KIAA2012: variants seen among roughly 807,000 people sequenced by gnomAD.
KIAA2012 encodes KIAA2012.
In KIAA2012, 125 loss-of-function variants were observed where a neutral mutation model predicts 150.6. The observed-to-expected ratio is 0.83, with a 90% CI of 0.72 to 0.96. KIAA2012 has a LOEUF of 0.96. Ranked by LOEUF, KIAA2012 falls within the 40% of genes least tolerant of loss-of-function variation. The pLI is 0.00. For synonymous variants in KIAA2012, 462 were observed against 504.7 expected (o/e 0.92, Z 1.13); for missense variants, 1,219 against 1,354.9 (o/e 0.90, Z 1.57).
intron 11 of KIAA2012, among the ~76,000 whole-genome samples, chr2:202,119,979 T>G (rs2105933861): frequency 6.6e-6 from 1 of 152,280 alleles, no homozygotes; most frequent in Admixed American, 6.5e-5. Flanking sequence ...GATCTCATGG[T>G]TTTAAAAAGG....
intron 23 of KIAA2012, 62 bp downstream of exon 23, chr2:202,202,649 C>T (rs969344018): frequency 9.1e-5 from 36 of 396,956 alleles, no homozygotes; most frequent in African/African-American, 5.5e-4. Context: ...TTCTAGGGGC[C>T]AGGCACGGTG....
intron 12 of KIAA2012, chr2:202,135,990 A>G (rs752220470): frequency 3.2e-6 from 1 of 315,792 alleles, no homozygotes; most frequent in South Asian, 2.6e-5. Flanking sequence ...GCTGATTCAA[A>G]TTTAAAAAAA....
At chr2:202,107,424 G>A (rs1212369891) in intron 9 of KIAA2012, among the ~76,000 whole-genome samples, 1 of 151,876 alleles carries the variant, frequency 6.6e-6, no homozygotes, top group East Asian at 1.9e-4. Context: ...CCAAATATCG[G>A]CAGAGATCAC....
intron 14 of KIAA2012, among the ~76,000 whole-genome samples, chr2:202,156,325 T>C (rs184281193): frequency 4.8e-4 from 73 of 152,314 alleles, no homozygotes; most frequent in African/African-American, 1.7e-3. Flanking sequence ...AACTATCCCT[T>C]TTATTCTTAG....
intron 3 of KIAA2012, 129 bp from the exon 4 acceptor site, chr2:202,092,901 C>A: frequency 1.4e-6 from 1 of 738,948 alleles, no homozygotes; most frequent in Non-Finnish European, 2.2e-6. Flanking sequence ...CCCTCATCTT[C>A]TAATTGTCTT....
At chr2:202,157,617 A>C (rs937151280) in intron 14 of KIAA2012, among the ~76,000 whole-genome samples, 1 of 152,220 alleles carries the variant, frequency 6.6e-6, no homozygotes, top group African/African-American at 2.4e-5. Context: ...AATGAATCTA[A>C]GTATGTAGAA....
At chr2:202,085,281 C>T (rs1689535953) in intron 2 of KIAA2012, among the ~76,000 whole-genome samples, 1 of 152,162 alleles carries the variant, frequency 6.6e-6, no homozygotes, top group African/African-American at 2.4e-5. Flanking sequence ...TGAGAGGTTA[C>T]AGGGCAAAGG....
intron 17 of KIAA2012, among the ~76,000 whole-genome samples, chr2:202,187,550 A>G: frequency 6.6e-6 from 1 of 152,180 alleles, no homozygotes; most frequent in South Asian, 2.1e-4. Context: ...CAAGTGATCC[A>G]CCTGCCTGAG....
intron 12 of KIAA2012, among the ~76,000 whole-genome samples, chr2:202,126,377 T>C (rs1245473651): frequency 6.6e-6 from 1 of 152,168 alleles, no homozygotes; most frequent in Non-Finnish European, 1.5e-5. Context: ...AGGATTGTTT[T>C]TGCCAGAGAT....
In KIAA2012 at chr2:202,196,802, G is replaced by A; in HGVS notation, c.3190G>A (p.Ala1064Thr). Residue 1064 changes from alanine (A) to threonine (T), a missense_variant and splice_region_variant, in exon 22 of 24, where the codon GCA (alanine) becomes ACA (threonine). Coordinates refer to ENST00000498697, the MANE Select transcript of KIAA2012 (RefSeq NM_001277372.4). ...CCACCCCCTTTTCTATTCTGCAGAG[G>A]CAGAGAAGCAAAGGCAAGAGGAATT... The part of the protein sequence containing the change: ...KQQEEAERAE[A>T]EKQRQEELEM... The A allele has an allele frequency of 6.4e-7, 1 of 1,550,412 alleles. No individual in the cohort carries two copies. Among genetic ancestry groups the A allele is most frequent in the Non-Finnish European group, 8.7e-7 (1 of 1,146,910 alleles).
rs1283567736 is a variant in KIAA2012 at position 202,202,537 on chromosome 2, T to C, written c.3516T>C (p.Tyr1172=). Residue 1172 remains tyrosine (Y), a synonymous_variant, in exon 23 of 24, where the codon TAT becomes TAC. Transcript: ENST00000498697. ...QNISRPWVYS[Y]FQFLQIPRP ...TTTCCAGACCATGGGTTTACTCTTA[T>C]TTCCAGTTCCTACAAATACCCAGGC... The C allele has an allele frequency of 5.0e-6, 2 of 398,918 alleles. No homozygotes were observed. The highest frequency in any genetic ancestry group is 4.1e-5 in the African/African-American group (2 of 48,622). 24.7% of individuals were successfully genotyped at this position (398,918 alleles called of 1,614,324 possible). A position where few individuals can be genotyped will look rare whatever the true frequency, so the allele number is the denominator to read the frequency against.
chr2:202,197,184 C>A, intron 22 of KIAA2012, 165 bp downstream of exon 22: 1 of 1,060,294 alleles, frequency 9.4e-7, no homozygotes, highest in Non-Finnish European at 1.3e-6. Context: ...CTGCAAATGT[C>A]AAGGATTCCT....
At chr2:202,100,227 G>A (rs534097377) in intron 6 of KIAA2012, 80 bp from the exon 7 acceptor site, 105 of 1,411,280 alleles carry the variant, frequency 7.4e-5, no homozygotes, top group Middle Eastern at 1.8e-4. Flanking sequence ...CATTAACTAC[G>A]ACGTGATAAA....
At chr2:202,165,236 T>G (rs1207995698) in intron 14 of KIAA2012, 48 bp from the exon 15 acceptor site, 2 of 1,511,178 alleles carry the variant, frequency 1.3e-6, no homozygotes, top group African/African-American at 2.8e-5. Context: ...TTTAAGTGTT[T>G]GCATTTATTA....
At chr2:202,089,943 A>G (rs1689676438) in intron 2 of KIAA2012, among the ~76,000 whole-genome samples, 1 of 152,256 alleles carries the variant, frequency 6.6e-6, no homozygotes, top group Non-Finnish European at 1.5e-5. Context: ...AAATGTTCTT[A>G]AGGAGAAAAT....
intron 2 of KIAA2012, chr2:202,077,227 A>G (rs1689345765): frequency 2.9e-6 from 1 of 349,720 alleles, no homozygotes; most frequent in Non-Finnish European, 5.6e-6. Context: ...TGTACAACCA[A>G]TTCCCTAAAT....
intron 5 of KIAA2012, 114 bp downstream of exon 5, chr2:202,097,691 GCAT>G (rs1187819069): frequency 4.2e-6 from 5 of 1,204,300 alleles, no homozygotes; most frequent in Non-Finnish European, 4.6e-6. Context: ...CTGGGTTCAA[GCAT>G]TTCTCCTGCC....
At chr2:202,190,869 C>A (rs1398086234) in intron 19 of KIAA2012, among the ~76,000 whole-genome samples, 2 of 152,200 alleles carry the variant, frequency 1.3e-5, no homozygotes, top group South Asian at 2.1e-4. Context: ...CAGGCTAGGG[C>A]TCATCTATTA....
intron 16 of KIAA2012, among the ~76,000 whole-genome samples, chr2:202,186,064 T>C: frequency 6.6e-6 from 1 of 152,228 alleles, no homozygotes; most frequent in Middle Eastern, 3.2e-3. Context: ...CTGATATTGC[T>C]GCAATCCACG....
Sources: gnomAD v4.1 joint callset for allele counts (sites outside exome capture counted in the v4.1 genomes callset) on GRCh38, gnomAD v4.1.1 for gene constraint, MANE v1.5 for transcripts, NCBI Gene and HGNC (gene_info 2026-07-23, HGNC 2026-07-21) for gene names.